Variants in MSN observed in about 807,000 individuals in gnomAD.
The protein encoded by MSN is moesin, also known as epididymis luminal protein 70.
Under a neutral mutation model 48.0 loss-of-function variants are expected in MSN, and 2 were observed. The ratio of observed to expected loss-of-function variants is 0.04; its 90% CI spans 0.02 to 0.13. The LOEUF (loss-of-function observed/expected upper bound fraction) is 0.13, where lower values mean the gene tolerates loss of function less well. Among genes scored for constraint, MSN ranks in the 10% least tolerant of loss-of-function variants. The probability of loss-of-function intolerance (pLI) is 1.00; values close to 1 mark genes in which losing one functional copy is unlikely to be tolerated. For missense variants in MSN, 267 were observed against 470.1 expected, an observed-to-expected ratio of 0.57 and a Z score of 3.99; for synonymous variants, 146 against 166.9, an observed-to-expected ratio of 0.87 and a Z score of 0.97.
intron 1 of MSN, among the ~76,000 whole-genome samples, chrX:65,647,393 A>G (rs1175242206): frequency 9.0e-6 from 1 of 110,818 alleles, no homozygotes; most frequent in East Asian, 2.8e-4. Context: ...TTGGATTTTT[A>G]GTAGAGGTGG....
intron 2 of MSN, among the ~76,000 whole-genome samples, chrX:65,719,377 A>G (rs146981830): frequency 8.9e-6 from 1 of 111,974 alleles, no homozygotes; most frequent in Non-Finnish European, 1.9e-5. Flanking sequence ...TGTGCATTCC[A>G]TCTCTCTTTC....
At position 65,621,115 on chromosome X, in the gene MSN, C is replaced by T. The variant is rs773073723; in HGVS notation, c.-22+32503C>T. ...TATTTTTAGTAGAGATGGGGTTTCA[C>T]CGTGTTAGCCAGGATGGTCTCAATC... On this transcript the variant is annotated intron_variant, in intron 1 of 3. Coordinates refer to the MSN transcript ENST00000609672. 3.6e-5 allele frequency among the ~76,000 whole-genome samples: 4 copies of T among 110,105 alleles called. No individual in the cohort carries two copies. In the South Asian group the frequency reaches 1.5e-3, roughly 42 times the overall value.
intron 1 of MSN, among the ~76,000 whole-genome samples, chrX:65,599,630 CT>C (rs1289073941): frequency 1.8e-5 from 2 of 112,304 alleles, no homozygotes; most frequent in Non-Finnish European, 3.8e-5. Flanking sequence ...GAGACTCCAT[CT>C]TAAAAAATAA....
intron 1 of MSN, among the ~76,000 whole-genome samples, chrX:65,682,537 C>G (rs1394549202): frequency 9.0e-6 from 1 of 111,433 alleles, no homozygotes; most frequent in Non-Finnish European, 1.9e-5. Flanking sequence ...AAGGGACTTG[C>G]TCAAGGTCAT....
chrX:65,680,701 C>T (rs1004633318), intron 1 of MSN, among the ~76,000 whole-genome samples: 3 of 111,275 alleles, frequency 2.7e-5, no homozygotes, highest in East Asian at 5.6e-4. Flanking sequence ...AAGCTATACC[C>T]GTCCTTTTTC....
chrX:65,623,958 GA>G (rs2070479721), intron 1 of MSN, among the ~76,000 whole-genome samples: 1 of 110,893 alleles, frequency 9.0e-6, no homozygotes, highest in Non-Finnish European at 1.9e-5. Context: ...TTGCTTTAGG[GA>G]ATTTTTGTGT....
rs996649084 is a variant in MSN, at chrX:65,732,100, T to A, written c.698+116T>A. The A allele has an allele frequency of 6.2e-6, 5 of 807,551 alleles. No homozygotes were observed. The Admixed American group carries it at 1.8e-4, about 29-fold the overall frequency. 66.6% of individuals were successfully genotyped at this position (807,551 alleles called of 1,213,427 possible). ...CCATCTCAGTTCTTTTTCTACCTAA[T>A]TTAGTCCAGCCCAGATGATTTCACA... is the stretch of plus-strand genomic sequence containing the variant. On this transcript the variant is annotated intron_variant, in intron 6 of 12. Transcript: ENST00000360270.
chrX:65,628,560 G>A (rs113508045), intron 1 of MSN, among the ~76,000 whole-genome samples: 7,605 of 111,397 alleles, frequency 0.068, 679 homozygotes, highest in African/African-American at 0.24. Flanking sequence ...CTCGGCCTTC[G>A]GGCCTGTGAT....
chrX:65,679,475 T>C (rs1420163522), intron 1 of MSN, among the ~76,000 whole-genome samples: 1 of 111,641 alleles, frequency 9.0e-6, no homozygotes, highest in Non-Finnish European at 1.9e-5. Flanking sequence ...AGGGAGAATT[T>C]CTAGTCAGGA....
At chrX:65,697,708 G>A (rs990638927) in intron 1 of MSN, among the ~76,000 whole-genome samples, 3 of 112,546 alleles carry the variant, frequency 2.7e-5, no homozygotes, top group Non-Finnish European at 5.6e-5. Context: ...TAATTTTATT[G>A]TATTTTTGCA....
intron 1 of MSN, among the ~76,000 whole-genome samples, chrX:65,605,122 G>T (rs2070268071): frequency 8.9e-6 from 1 of 112,008 alleles, no homozygotes; most frequent in Non-Finnish European, 1.9e-5. Context: ...ATCTCCATTT[G>T]GTTTGACCTT....
At chrX:65,684,739 A>G (rs145986118) in intron 1 of MSN, among the ~76,000 whole-genome samples, 1 of 111,355 alleles carries the variant, frequency 9.0e-6, no homozygotes, top group Non-Finnish European at 1.9e-5. Context: ...TGCCTGGCCA[A>G]AAAAGCTTTT....
At chrX:65,623,363 C>CTTTTTTTTTTTTTTTT (rs2070471282) in intron 1 of MSN, among the ~76,000 whole-genome samples, 1 of 69,748 alleles carries the variant, frequency 1.4e-5, no homozygotes. Context: ...TTTTTTCTTT[C>CTTTTTTTTTTTTTTTT]TTTTCTTTTT....
At chrX:65,622,465 C>A (rs763405193) in intron 1 of MSN, among the ~76,000 whole-genome samples, 19 of 105,861 alleles carry the variant, frequency 1.8e-4, no homozygotes, top group Admixed American at 6.2e-4. Flanking sequence ...CTAGCCAGAA[C>A]TTCTAGTACA....
At chrX:65,661,884 G>A (rs183001225) in intron 1 of MSN, among the ~76,000 whole-genome samples, 7 of 112,433 alleles carry the variant, frequency 6.2e-5, no homozygotes, top group Middle Eastern at 4.6e-3. Flanking sequence ...GCATGGTGGC[G>A]TATGCCTGTA....
At chrX:65,588,403 A>G (rs2070114988) in exon 1 of MSN, 1 of 220,785 alleles carries the variant, frequency 4.5e-6, no homozygotes, top group Non-Finnish European at 7.2e-6. Flanking sequence ...CAGGAAGAAG[A>G]GGCGCCCGGA....
chrX:65,662,231 G>T (rs907842810), intron 1 of MSN, among the ~76,000 whole-genome samples: 1 of 112,319 alleles, frequency 8.9e-6, no homozygotes, highest in Non-Finnish European at 1.9e-5. Flanking sequence ...CAGATTCAAC[G>T]TTATTCCCAT....
At chrX:65,655,581 C>T (rs1369531554) in intron 1 of MSN, among the ~76,000 whole-genome samples, 2 of 112,163 alleles carry the variant, frequency 1.8e-5, no homozygotes, top group Non-Finnish European at 3.8e-5. Context: ...TTTTGGACAG[C>T]TGTGACTATA....
At chrX:65,633,419 C>G (rs2070574019) in intron 1 of MSN, among the ~76,000 whole-genome samples, 1 of 112,108 alleles carries the variant, frequency 8.9e-6, no homozygotes, top group Non-Finnish European at 1.9e-5. Flanking sequence ...AACCTACCAC[C>G]AAACAAAGCA....
Sources: allele counts gnomAD v4.1 joint callset (sites outside exome capture counted in the v4.1 genomes callset), GRCh38; gene constraint gnomAD v4.1.1; transcripts MANE v1.5; gene names NCBI Gene and HGNC (gene_info 2026-07-23, HGNC 2026-07-21).